Variants in OLA1 observed in about 807,000 individuals in gnomAD.
OLA1 encodes the protein obg-like ATPase 1.
OLA1 carries 14 observed loss-of-function variants against 48.4 expected under a neutral mutation model. The ratio of observed to expected loss-of-function variants is 0.29; its 90% CI spans 0.19 to 0.45. The LOEUF is 0.45. Ranked by LOEUF, OLA1 falls within the 20% of genes least tolerant of loss-of-function variation. The pLI, the probability that OLA1 is intolerant of heterozygous loss-of-function variation, is 1.00. For missense variants in OLA1, 325 were observed against 467.1 expected (o/e 0.70, Z 2.80); for synonymous variants, 127 against 150.4 (o/e 0.84, Z 1.14).
intron 4 of OLA1, among the ~76,000 whole-genome samples, chr2:174,173,593 T>TA (rs1224887473): frequency 6.6e-6 from 1 of 151,792 alleles, no homozygotes; most frequent in African/African-American, 2.4e-5. Flanking sequence ...AAGCACCTGT[T>TA]AAAAAAGGTC....
intron 4 of OLA1, among the ~76,000 whole-genome samples, chr2:174,206,542 A>T (rs1356280230): frequency 6.6e-6 from 1 of 152,186 alleles, no homozygotes; most frequent in South Asian, 2.1e-4. Context: ...CTTCAAAAAC[A>T]TGTCAGAAAA....
intron 5 of OLA1, among the ~76,000 whole-genome samples, chr2:174,133,533 G>C (rs995884820): frequency 2.6e-5 from 4 of 152,102 alleles, no homozygotes; most frequent in Non-Finnish European, 5.9e-5. Context: ...ACTGATTTTT[G>C]TATTTTTAGT....
At chr2:174,166,315 T>C (rs1687163822) in intron 4 of OLA1, among the ~76,000 whole-genome samples, 1 of 152,136 alleles carries the variant, frequency 6.6e-6, no homozygotes, top group African/African-American at 2.4e-5. Context: ...GAAAATATGA[T>C]AGAGCCTCTG....
intron 2 of OLA1, among the ~76,000 whole-genome samples, chr2:174,233,655 G>A (rs532280395): frequency 2.8e-4 from 42 of 152,304 alleles, no homozygotes; most frequent in African/African-American, 8.7e-4. Flanking sequence ...GATTATAGGC[G>A]TGAGCCACTG....
intron 2 of OLA1, among the ~76,000 whole-genome samples, chr2:174,242,635 A>G (rs78273711): frequency 0.14 from 20,638 of 152,234 alleles, 1,913 homozygotes; most frequent in Non-Finnish European, 0.2. Context: ...ACATTTTTAC[A>G]TGAAGAAAAA....
chr2:174,235,593 GCTTTCAAAGTCAC>G (rs1688828992), intron 2 of OLA1, among the ~76,000 whole-genome samples: 1 of 152,188 alleles, frequency 6.6e-6, no homozygotes. Context: ...GCCTACTGAT[GCTTTCAAAGTCAC>G]CATTCCAAGA....
At chr2:174,203,508 C>G (rs1688036936) in intron 4 of OLA1, among the ~76,000 whole-genome samples, 1 of 147,474 alleles carries the variant, frequency 6.8e-6, no homozygotes, top group Non-Finnish European at 1.5e-5. Flanking sequence ...GCTTTATTAC[C>G]CAGGCTGATC....
At chr2:174,101,303 A>T (rs888433642) in intron 7 of OLA1, among the ~76,000 whole-genome samples, 2 of 152,194 alleles carry the variant, frequency 1.3e-5, no homozygotes, top group African/African-American at 4.8e-5. Flanking sequence ...TTATTCATTT[A>T]TCTTCTTTTA....
chr2:174,176,698 T>TA lies in OLA1; in HGVS notation c.374-34699dup, dbSNP rs199543666. ...TAAACATTTCACCGTGGTAAGGTCT[T>TA]ACACCTAGAGAGACAAAGAGCTCTT... is the stretch of plus-strand genomic sequence containing the variant. On this transcript the variant is annotated intron_variant, in intron 4 of 10. Coordinates refer to ENST00000284719, the MANE Select transcript of OLA1 (RefSeq NM_013341.5). Among the ~76,000 whole-genome samples the TA allele has an allele frequency of 7.9e-3, 1,208 of 152,236 alleles. 19 individuals are homozygous for TA. Among genetic ancestry groups the TA allele is most frequent in the African/African-American group, 0.027 (1,135 of 41,562 alleles).
chr2:174,234,129 C>T (rs1041296790), intron 2 of OLA1, among the ~76,000 whole-genome samples: 2 of 152,154 alleles, frequency 1.3e-5, no homozygotes, highest in Non-Finnish European at 2.9e-5. Context: ...ACCTCCTTCT[C>T]CTCCTCAACC....
At chr2:174,095,010 T>C (rs993137874) in intron 7 of OLA1, among the ~76,000 whole-genome samples, 1 of 152,234 alleles carries the variant, frequency 6.6e-6, no homozygotes, top group Admixed American at 6.5e-5. Context: ...AATATTCTAT[T>C]GTTTGTATGT....
chr2:174,105,594 C>T (rs186399636), intron 7 of OLA1, among the ~76,000 whole-genome samples: 324 of 152,080 alleles, frequency 2.1e-3, no homozygotes, highest in Non-Finnish European at 3.4e-3. Context: ...AAAATCTTCA[C>T]TGACAGAAAA....
At chr2:174,138,229 G>A (rs1686356705) in intron 5 of OLA1, among the ~76,000 whole-genome samples, 1 of 152,204 alleles carries the variant, frequency 6.6e-6, no homozygotes, top group African/African-American at 2.4e-5. Context: ...TAAAATGAGA[G>A]ATGTGACTCT....
At position 174,204,350 on chromosome 2, in the gene OLA1, G is replaced by A. The variant is rs189948242; in HGVS notation, c.373+18683C>T. Among the ~76,000 whole-genome samples, 830 of 152,122 alleles carry A rather than the reference G, an allele frequency of 5.5e-3. 6 individuals carry two copies. The highest frequency in any genetic ancestry group is 0.019 in the African/African-American group (782 of 41,546). On this transcript the variant is annotated intron_variant, in intron 4 of 10. Transcript: ENST00000284719. ...CAGGAGGCAAAGCTTGCAGTGAGCC[G>A]AGATGGCACCACTGCTCTCCAGCCT...
rs186247111 is a variant in OLA1 at position 174,148,108 on chromosome 2, C to T, written c.374-6108G>A. On this transcript the variant is annotated intron_variant, in intron 4 of 10. Coordinates refer to ENST00000284719, the MANE Select transcript of OLA1 (RefSeq NM_013341.5). ...CACTTTTTAAAAAAACAAAATAGGCCGGGCGTGGTGGCTCACGCCTGTAAC... is the reference window on the plus strand; with the variant it reads ...CACTTTTTAAAAAAACAAAATAGGCTGGGCGTGGTGGCTCACGCCTGTAAC... Among the ~76,000 whole-genome samples, 127 of 152,308 alleles carry T rather than the reference C, an allele frequency of 8.3e-4. 1 individual carries two copies. The highest frequency in any genetic ancestry group is 2.0e-3 in the Admixed American group (31 of 15,306).
At chr2:174,102,959 C>T (rs1685430510) in intron 7 of OLA1, among the ~76,000 whole-genome samples, 1 of 152,064 alleles carries the variant, frequency 6.6e-6, no homozygotes, top group East Asian at 1.9e-4. Flanking sequence ...TTTATGGGGG[C>T]CCAAGTGACA....
At chr2:174,247,335 TG>T (rs1689147225) in intron 1 of OLA1, 1 of 209,264 alleles carries the variant, frequency 4.8e-6, no homozygotes, top group African/African-American at 2.3e-5. Flanking sequence ...ATCACGCCAC[TG>T]GGCTCTGCCT....
intron 4 of OLA1, among the ~76,000 whole-genome samples, chr2:174,208,861 A>G (rs961991): frequency 0.11 from 16,852 of 152,240 alleles, 2,182 homozygotes; most frequent in East Asian, 0.7. Context: ...AATGTATCAG[A>G]GCATCAAATA....
chr2:174,216,660 C>G (rs138490598), intron 4 of OLA1, among the ~76,000 whole-genome samples: 290 of 152,232 alleles, frequency 1.9e-3, no homozygotes, highest in African/African-American at 6.6e-3. Flanking sequence ...TCAAGCAATC[C>G]TCCTGCCTCA....
Sources: gnomAD v4.1 joint callset for allele counts (sites outside exome capture counted in the v4.1 genomes callset) on GRCh38, gnomAD v4.1.1 for gene constraint, MANE v1.5 for transcripts, NCBI Gene and HGNC (gene_info 2026-07-23, HGNC 2026-07-21) for gene names.